Variants in CATSPERQ observed in about 807,000 individuals in gnomAD.
The protein encoded by CATSPERQ is catsper channel auxiliary subunit theta.
chr8:144,353,737 C>A, the CATSPERQ span: 2 of 1,533,200 alleles, frequency 1.3e-6, no homozygotes, highest in Admixed American at 2.0e-5. Flanking sequence ...TGATCGGTGT[C>A]ATCGTGTCCT....
At chr8:144,354,063 G>T in the CATSPERQ span, 1 of 1,535,398 alleles carries the variant, frequency 6.5e-7, no homozygotes, top group East Asian at 2.4e-5. The surrounding 1 kb of genome is among the most constrained non-coding windows in gnomAD (Gnocchi z 4.6). Context: ...TCAGCACCAG[G>T]CGGCGCCGCG....
the CATSPERQ span, chr8:144,354,173 T>G: frequency 1.3e-6 from 2 of 1,539,352 alleles, no homozygotes; most frequent in Non-Finnish European, 1.7e-6. This position sits in a 1 kb window ranked among gnomAD's most constrained non-coding sequence, Gnocchi z 4.6. Context: ...GCGGAGAGTC[T>G]GAGCGGCGCG....
At chr8:144,353,604 A>C in the CATSPERQ span, 2 of 1,465,978 alleles carry the variant, frequency 1.4e-6, no homozygotes, top group Admixed American at 4.3e-5. Flanking sequence ...TCCTTCCCCT[A>C]CCAGGCTGCA....
At chr8:144,353,664 C>G in the CATSPERQ span, 7 of 1,467,102 alleles carry the variant, frequency 4.8e-6, no homozygotes, top group South Asian at 3.7e-5. Flanking sequence ...CCCCCAGCAC[C>G]GAAGACCGTG....
At chr8:144,354,726 G>A in the CATSPERQ span, 14 of 1,535,562 alleles carry the variant, frequency 9.1e-6, no homozygotes, top group Admixed American at 2.0e-5. The surrounding 1 kb of genome is among the most constrained non-coding windows in gnomAD (Gnocchi z 4.6). Flanking sequence ...AGCGCCAGCC[G>A]ATGGAGGTCG....
At chr8:144,354,091 A>C in the CATSPERQ span, 1 of 1,535,350 alleles carries the variant, frequency 6.5e-7, no homozygotes, top group Non-Finnish European at 8.7e-7. The surrounding 1 kb of genome is among the most constrained non-coding windows in gnomAD (Gnocchi z 4.6). Flanking sequence ...CGAGATCACG[A>C]GCCACAGGCC....
chr8:144,354,477 C>T, the CATSPERQ span: 17 of 1,321,244 alleles, frequency 1.3e-5, no homozygotes, highest in Admixed American at 3.2e-5. The surrounding 1 kb of genome is among the most constrained non-coding windows in gnomAD (Gnocchi z 4.6). Context: ...CCAGGAGCAC[C>T]GGCCGGCCCC....
the CATSPERQ span, chr8:144,354,398 C>G: frequency 7.4e-6 from 11 of 1,487,426 alleles, no homozygotes; most frequent in African/African-American, 1.4e-4. The surrounding 1 kb of genome is among the most constrained non-coding windows in gnomAD (Gnocchi z 4.6). Context: ...GGTGCCAAGG[C>G]TTGGCCCGGA....
At chr8:144,354,496 C>A in the CATSPERQ span, 8 of 1,379,114 alleles carry the variant, frequency 5.8e-6, no homozygotes, top group African/African-American at 1.5e-5. This position sits in a 1 kb window ranked among gnomAD's most constrained non-coding sequence, Gnocchi z 4.6. Flanking sequence ...CCACCCAGGG[C>A]CCTGGCCCTG....
chr8:144,354,125 A>G, the CATSPERQ span: 1 of 1,534,966 alleles, frequency 6.5e-7, no homozygotes, highest in Non-Finnish European at 8.7e-7. The surrounding 1 kb of genome is among the most constrained non-coding windows in gnomAD (Gnocchi z 4.6). Context: ...TACACGAGGA[A>G]GACCCAGGTC....
chr8:144,354,929 C>T, the CATSPERQ span: 2 of 1,188,544 alleles, frequency 1.7e-6, no homozygotes, highest in Non-Finnish European at 2.3e-6. The surrounding 1 kb of genome is among the most constrained non-coding windows in gnomAD (Gnocchi z 4.6). Flanking sequence ...CAGGGAGCGG[C>T]CCAGGGTGGA....
At chr8:144,354,284 G>A in the CATSPERQ span, 12 of 1,534,808 alleles carry the variant, frequency 7.8e-6, no homozygotes, top group Non-Finnish European at 1.0e-5. The surrounding 1 kb of genome is among the most constrained non-coding windows in gnomAD (Gnocchi z 4.6). Context: ...ATGATGAAGA[G>A]CAGCATCCCC....
chr8:144,354,389 G>A, the CATSPERQ span: 1 of 1,500,254 alleles, frequency 6.7e-7, no homozygotes, highest in South Asian at 1.2e-5. This position sits in a 1 kb window ranked among gnomAD's most constrained non-coding sequence, Gnocchi z 4.6. Flanking sequence ...GGGGGTGGCG[G>A]TGCCAAGGCT....
At chr8:144,353,999 C>G in the CATSPERQ span, 1 of 1,535,064 alleles carries the variant, frequency 6.5e-7, no homozygotes, top group South Asian at 1.2e-5. Context: ...TGCAAGGGGC[C>G]CTGGCACACG....
At chr8:144,354,361 C>G in the CATSPERQ span, 1 of 1,525,704 alleles carries the variant, frequency 6.6e-7, no homozygotes, top group Non-Finnish European at 8.8e-7. The surrounding 1 kb of genome is among the most constrained non-coding windows in gnomAD (Gnocchi z 4.6). Flanking sequence ...TGAGGACGCC[C>G]CGGCCCTGCC....
chr8:144,353,653 G>T, the CATSPERQ span: 1 of 1,459,412 alleles, frequency 6.9e-7, no homozygotes, highest in Non-Finnish European at 9.2e-7. Flanking sequence ...CCTCTCCACG[G>T]CCCCCAGCAC....
the CATSPERQ span, chr8:144,354,302 G>C: frequency 6.5e-7 from 1 of 1,534,036 alleles, no homozygotes. The surrounding 1 kb of genome is among the most constrained non-coding windows in gnomAD (Gnocchi z 4.6). Flanking sequence ...CCCTTCCACA[G>C]TGTGTCCAGG....
the CATSPERQ span, chr8:144,353,771 G>C: frequency 3.3e-6 from 5 of 1,535,418 alleles, no homozygotes; most frequent in Non-Finnish European, 4.4e-6. Flanking sequence ...GTCTGGGCGG[G>C]ACCCACCTCG....
chr8:144,354,429 C>T, the CATSPERQ span: 4 of 1,347,274 alleles, frequency 3.0e-6, no homozygotes, highest in Middle Eastern at 2.6e-4. This position sits in a 1 kb window ranked among gnomAD's most constrained non-coding sequence, Gnocchi z 4.6. Context: ...CCGCGCAGGG[C>T]TCGCGGAGGC....
Sources: gnomAD v4.1 joint callset for allele counts on GRCh38, gnomAD v4.1.1 for gene constraint, Gnocchi (gnomAD v3.1) non-coding constraint, MANE v1.5 for transcripts, NCBI Gene and HGNC (gene_info 2026-07-23, HGNC 2026-07-21) for gene names.